The following ZNF484 variants were observed in gnomAD, a reference collection of about 807,000 sequenced individuals.
ZNF484 encodes zinc finger protein 484, also known as KRAB box containing C2H2 type zinc finger bA526D8.4.
A neutral mutation model predicts 12.9 loss-of-function variants in ZNF484; 11 were observed. That is an observed-to-expected ratio of 0.85 (90% CI 0.54 to 1.41). The LOEUF (loss-of-function observed/expected upper bound fraction) is 1.41. Among genes scored for constraint, ZNF484 ranks in the 40% most tolerant of loss-of-function variants. The probability of loss-of-function intolerance (pLI) is 0.00; values close to 1 mark genes in which losing one functional copy is unlikely to be tolerated. For synonymous variants in ZNF484, 289 were observed against 334.1 expected (o/e 0.86, Z 1.47); for missense variants, 807 against 1,007.7 (o/e 0.80, Z 2.70).
chr9:92,852,246 A>G (rs2117857780), intron 4 of ZNF484, among the ~76,000 whole-genome samples: 1 of 152,322 alleles, frequency 6.6e-6, no homozygotes, highest in African/African-American at 2.4e-5. Flanking sequence ...GAGTAAGTGA[A>G]AGCTGAGCAC....
At chr9:92,851,723 CTT>C (rs1856101803) in intron 4 of ZNF484, among the ~76,000 whole-genome samples, 1 of 152,164 alleles carries the variant, frequency 6.6e-6, no homozygotes, top group Admixed American at 6.5e-5. Flanking sequence ...AACATACAGT[CTT>C]TTCATTTTCT....
At chr9:92,869,762 A>G (rs1857322294) in intron 2 of ZNF484, among the ~76,000 whole-genome samples, 1 of 152,238 alleles carries the variant, frequency 6.6e-6, no homozygotes, top group African/African-American at 2.4e-5. Flanking sequence ...GTAAACAGCA[A>G]AAGATAACTA....
At chr9:92,866,723 A>C (rs895177863) in intron 2 of ZNF484, among the ~76,000 whole-genome samples, 3 of 152,238 alleles carry the variant, frequency 2.0e-5, no homozygotes, top group Admixed American at 6.5e-5. Context: ...TTACAATAGC[A>C]AAGACACAGA....
Position 92,877,949 on chromosome 9 carries a change from T to C in ZNF484, c.-90A>G. 1 of 1,405,644 alleles carries C rather than the reference T, an allele frequency of 7.1e-7. No homozygotes were observed. The highest frequency in any genetic ancestry group is 1.2e-5 in the South Asian group (1 of 80,614). 87.1% of individuals were successfully genotyped at this position (1,405,644 alleles called of 1,614,324 possible). A position where few individuals can be genotyped will look rare whatever the true frequency, so the allele number is the denominator to read the frequency against. On this transcript the variant is annotated 5_prime_UTR_variant, in exon 1 of 5. Transcript: ENST00000375495. ...CATTTGCCTCGGGAGGTGACTATAG[T>C]CGCAAGAACCAGAACAGGACCCACT...
chr9:92,873,402 T>C (rs772370716), intron 2 of ZNF484, among the ~76,000 whole-genome samples: 2 of 150,536 alleles, frequency 1.3e-5, no homozygotes, highest in Non-Finnish European at 2.9e-5. Context: ...ACACATAAAT[T>C]TGACAACTTA....
At chr9:92,865,917 T>C (rs1350252220) in intron 2 of ZNF484, among the ~76,000 whole-genome samples, 1 of 152,132 alleles carries the variant, frequency 6.6e-6, no homozygotes, top group Non-Finnish European at 1.5e-5. Context: ...TGCCTTTGGA[T>C]AGAAATAACT....
chr9:92,851,610 T>C (rs1856087620), intron 4 of ZNF484, among the ~76,000 whole-genome samples: 1 of 152,204 alleles, frequency 6.6e-6, no homozygotes, highest in Non-Finnish European at 1.5e-5. Context: ...ACTTTGTCCC[T>C]GAACGGCCAT....
At chr9:92,877,652 C>A (rs1471697535) in intron 1 of ZNF484, among the ~76,000 whole-genome samples, 56 of 150,132 alleles carry the variant, frequency 3.7e-4, no homozygotes, top group Non-Finnish European at 1.5e-5. Flanking sequence ...TCCGCCCTCA[C>A]TCCGCCCTCA....
chr9:92,860,520 C>T (rs1283389424), intron 2 of ZNF484, among the ~76,000 whole-genome samples: 8 of 148,370 alleles, frequency 5.4e-5, no homozygotes, highest in Non-Finnish European at 1.0e-4. Flanking sequence ...AGGAGAATGG[C>T]GTGAACCCGG....
At chr9:92,867,001 G>A (rs551791548) in intron 2 of ZNF484, among the ~76,000 whole-genome samples, 69 of 152,276 alleles carry the variant, frequency 4.5e-4, no homozygotes, top group Admixed American at 4.2e-3. Context: ...AGGGGTGGGG[G>A]GATAAGGGGA....
chr9:92,865,725 A>T (rs1857029448), intron 2 of ZNF484, among the ~76,000 whole-genome samples: 1 of 152,134 alleles, frequency 6.6e-6, no homozygotes, highest in South Asian at 2.1e-4. Context: ...TGCGCAACAT[A>T]GCAAGACGCC....
Position 92,877,885 on chromosome 9 carries a change from C to A in ZNF484, c.-31+5G>T. ...GTCCACAGATGCTGCCATCCCTCTA[C>A]TCACCTGCCCCTCACCCACGTCCTC... On this transcript the variant is annotated splice_donor_5th_base_variant and intron_variant, in intron 1 of 4. Transcript: ENST00000375495. 6.5e-7 allele frequency: 1 copy of A among 1,535,606 alleles called. No individual in the cohort carries two copies. Among genetic ancestry groups the A allele is most frequent in the Non-Finnish European group, 8.7e-7 (1 of 1,146,738 alleles).
At chr9:92,875,177 AC>A in intron 1 of ZNF484, 118 bp from the exon 2 acceptor site, 1 of 742,852 alleles carries the variant, frequency 1.3e-6, no homozygotes, top group Non-Finnish European at 2.1e-6. Flanking sequence ...TTCTGGAACT[AC>A]CACATTAAAA....
Position 92,855,833 on chromosome 9 carries a change from C to G in ZNF484, c.213G>C (p.Glu71Asp). 2 of 1,614,148 alleles carry G rather than the reference C, an allele frequency of 1.2e-6. No individual in the cohort carries two copies. The highest frequency in any genetic ancestry group is 1.7e-6 in the Non-Finnish European group (2 of 1,180,014). ...EQEEPCMLDG[E>D]IPSQSRPDGD... ...CACCTGGACGGCTCTGACTGGGGAT[C>G]TCACCATCCAACATACATGGCTCTT... Residue 71 changes from glutamate to aspartate, a missense_variant, in exon 4 of 5, where the codon GAG becomes GAC. Coordinates refer to ENST00000375495, the MANE Select transcript of ZNF484 (RefSeq NM_031486.4).
rs149412014 is a variant in ZNF484 at position 92,847,045 on chromosome 9, A to C, written c.1742T>G (p.Val581Gly). 102 of 1,613,780 alleles carry C rather than the reference A, an allele frequency of 6.3e-5. No individual in the cohort carries two copies. Among genetic ancestry groups the C allele is most frequent in the Non-Finnish European group, 8.4e-5 (99 of 1,179,986 alleles). The change falls in exon 5 of 5, where the codon GTT becomes GGT. Residue 581 changes from valine to glycine, a missense_variant. By Grantham distance (109) the Val-to-Gly change is moderately radical. Coordinates refer to ENST00000375495, the MANE Select transcript of ZNF484 (RefSeq NM_031486.4). ...GAAGGCCTTACCACATTCAGTGCAAACATATGGTTTTTCCCCTCTATGAAT... is the reference window on the plus strand; with the variant it reads ...GAAGGCCTTACCACATTCAGTGCAACCATATGGTTTTTCCCCTCTATGAAT... ...QRIHRGEKPYVCTECGKAFFH... is the reference protein window; with the variant it reads ...QRIHRGEKPYGCTECGKAFFH...
chr9:92,863,748 T>C (rs143333753), intron 2 of ZNF484, among the ~76,000 whole-genome samples: 2 of 152,368 alleles, frequency 1.3e-5, no homozygotes, highest in East Asian at 3.9e-4. Flanking sequence ...CACTTATGTT[T>C]TGCACATATT....
At position 92,855,868 on chromosome 9, in the gene ZNF484, A is replaced by G. The variant is rs755903401; in HGVS notation, c.178T>C (p.Leu60=). The G allele has an allele frequency of 5.0e-6, 8 of 1,614,034 alleles. No homozygotes were observed. Among genetic ancestry groups the G allele is most frequent in the Middle Eastern group, 1.6e-4 (1 of 6,084 alleles). Residue 60 remains leucine, a synonymous_variant, in exon 4 of 5, where the codon TTG becomes CTG. Coordinates refer to ENST00000375495, the MANE Select transcript of ZNF484 (RefSeq NM_031486.4). ...QVPKPEVIFS[L]EQEEPCMLDG... is the part of the protein sequence containing the mutation. ...AACATACATGGCTCTTCTTGTTCCAAGCTGAAGATGACTTCTGGTTTGGGA... is the reference window on the plus strand; with the variant it reads ...AACATACATGGCTCTTCTTGTTCCAGGCTGAAGATGACTTCTGGTTTGGGA...
chr9:92,848,899 ACT>A lies in ZNF484; in HGVS notation c.236-350_236-349del, dbSNP rs995643369. 3.3e-5 allele frequency among the ~76,000 whole-genome samples: 5 copies of A among 149,964 alleles called. No homozygotes were observed. The highest frequency in any genetic ancestry group is 5.9e-5 in the Non-Finnish European group (4 of 67,784). On this transcript the variant is annotated intron_variant, in intron 4 of 4. Transcript: ENST00000375495. The surrounding 1 kb of genome is among the most constrained non-coding windows in gnomAD (Gnocchi z 4.1). ...ACTCTAGTCTGGGTGACAGAGCAAG[ACT>A]CTGTCTCCAAAATAAATAAATAAAT...
At position 92,847,149 on chromosome 9, in the gene ZNF484, A is replaced by G. The variant is rs1455798753; in HGVS notation, c.1638T>C (p.His546=). 1.6e-5 allele frequency: 26 copies of G among 1,613,970 alleles called. No individual in the cohort carries two copies. In the East Asian group the frequency reaches 5.8e-4, roughly 36 times the overall value. ...KSRLRIHQKC[H]TGERHYECSE... ...TGCATTCATAATGTCTCTCTCCAGTATGACACTTCTGATGTATCCTGAGCC... is the reference window on the plus strand; with the variant it reads ...TGCATTCATAATGTCTCTCTCCAGTGTGACACTTCTGATGTATCCTGAGCC... The change falls in exon 5 of 5, where the codon CAT becomes CAC. Residue 546 remains histidine (H), a synonymous_variant. Transcript: ENST00000375495.
Sources: gnomAD v4.1 joint callset for allele counts (sites outside exome capture counted in the v4.1 genomes callset) on GRCh38, gnomAD v4.1.1 for gene constraint, Gnocchi (gnomAD v3.1) non-coding constraint, MANE v1.5 for transcripts, NCBI Gene and HGNC (gene_info 2026-07-23, HGNC 2026-07-21) for gene names.